The following TMEM74 variants were observed in gnomAD, a reference collection of about 807,000 sequenced individuals.
TMEM74 encodes the protein transmembrane protein 74.
TMEM74 carries 13 observed loss-of-function variants against 18.1 expected under a neutral mutation model. That is an observed-to-expected ratio of 0.72 (90% CI 0.47 to 1.14). TMEM74 has a LOEUF of 1.14. Among genes scored for constraint, TMEM74 ranks in the 50% most tolerant of loss-of-function variants. The probability of loss-of-function intolerance (pLI) is 0.00; values close to 1 mark genes in which losing one functional copy is unlikely to be tolerated. For missense variants in TMEM74, 372 were observed against 375.9 expected, an observed-to-expected ratio of 0.99 and a Z score of 0.09; for synonymous variants, 159 against 146.6, an observed-to-expected ratio of 1.08 and a Z score of -0.61.
intron 1 of TMEM74, among the ~76,000 whole-genome samples, chr8:108,658,352 C>T (rs1244011174): frequency 6.6e-6 from 1 of 151,820 alleles, no homozygotes; most frequent in African/African-American, 2.4e-5. Flanking sequence ...GATTTTTGGC[C>T]TTATTATATT....
chr8:108,612,228 AT>A (rs1812341175), intron 2 of TMEM74, among the ~76,000 whole-genome samples: 2 of 152,194 alleles, frequency 1.3e-5, no homozygotes, highest in Admixed American at 1.3e-4. Context: ...CATTATTTCT[AT>A]GTTAAAAAAA....
chr8:108,683,685 C>G (rs1339822538), intron 1 of TMEM74, among the ~76,000 whole-genome samples: 2 of 151,962 alleles, frequency 1.3e-5, no homozygotes, highest in Non-Finnish European at 2.9e-5. Flanking sequence ...ATAAATTAGT[C>G]TATCCATCAT....
chr8:108,784,062 T>TGG lies in TMEM74; in HGVS notation c.*117_*118dup. On this transcript the variant is annotated 3_prime_UTR_variant, in exon 2 of 2. Transcript: ENST00000297459. ...GAGAACAAAAACACTTACTGGCTGT[T>TGG]GGTTTGTGAAATAAACTTTTCTTGC... is the stretch of plus-strand genomic sequence containing the variant. 2 of 855,412 alleles carry TGG rather than the reference T, an allele frequency of 2.3e-6. No individual in the cohort carries two copies. The highest frequency in any genetic ancestry group is 3.6e-6 in the Non-Finnish European group (2 of 563,194). The allele number at this position is 855,412 out of a possible 1,614,324, so 53.0% of individuals were successfully genotyped here.
At chr8:108,668,710 T>C (rs914169659) in intron 1 of TMEM74, among the ~76,000 whole-genome samples, 1 of 152,200 alleles carries the variant, frequency 6.6e-6, no homozygotes, top group African/African-American at 2.4e-5. Flanking sequence ...GTTTTTGTTA[T>C]GTTAACAGCA....
intron 2 of TMEM74, among the ~76,000 whole-genome samples, chr8:108,627,354 A>G (rs888238928): frequency 1.6e-4 from 24 of 152,140 alleles, no homozygotes; most frequent in Admixed American, 1.3e-3. Context: ...ATAGTATGAC[A>G]TAGAAACATG....
intron 2 of TMEM74, among the ~76,000 whole-genome samples, chr8:108,640,173 C>T (rs1290417704): frequency 6.9e-6 from 1 of 143,928 alleles, no homozygotes; most frequent in Non-Finnish European, 1.5e-5. Context: ...TGCTCTATCG[C>T]CCAGGCTGGA....
chr8:108,647,137 T>C (rs1812727948), intron 2 of TMEM74, among the ~76,000 whole-genome samples: 1 of 152,140 alleles, frequency 6.6e-6, no homozygotes, highest in Non-Finnish European at 1.5e-5. Flanking sequence ...TTGAGTCATG[T>C]AATTTTGGAA....
intron 1 of TMEM74, among the ~76,000 whole-genome samples, chr8:108,688,418 A>G (rs1188868775): frequency 1.3e-5 from 2 of 152,190 alleles, no homozygotes; most frequent in African/African-American, 4.8e-5. Context: ...TGTTCAGCTA[A>G]AGTTTCCCAA....
chr8:108,713,869 G>T (rs1433198706), intron 1 of TMEM74, among the ~76,000 whole-genome samples: 1 of 152,150 alleles, frequency 6.6e-6, no homozygotes, highest in African/African-American at 2.4e-5. Flanking sequence ...AAGCTGATGG[G>T]GTAACAGTCC....
chr8:108,690,381 T>G lies in TMEM74; in HGVS notation n.120-34944A>C, dbSNP rs189578695. ...CAATCTAAATTACAATACTGTTTTT[T>G]TTTGTTTGTTTTTTTTTAGTCCCCC... On this transcript the variant is annotated intron_variant and non_coding_transcript_variant, in intron 1 of 3. Coordinates refer to the TMEM74 transcript ENST00000518838. 2.3e-4 allele frequency among the ~76,000 whole-genome samples: 33 copies of G among 142,994 alleles called. No individual in the cohort carries two copies. In the East Asian group the frequency reaches 6.2e-3, roughly 27 times the overall value. The allele number at this position is 142,994 out of a possible 152,430, so 93.8% of individuals were successfully genotyped here.
intron 2 of TMEM74, among the ~76,000 whole-genome samples, chr8:108,617,605 G>A (rs1812398034): frequency 6.6e-6 from 1 of 152,008 alleles, no homozygotes; most frequent in Non-Finnish European, 1.5e-5. Context: ...AGATATAGCT[G>A]AGGGGTATTA....
Position 108,718,045 on chromosome 8 carries a change from G to A in TMEM74, n.120-62608C>T, listed in dbSNP as rs991781764. 2.4e-4 allele frequency among the ~76,000 whole-genome samples: 22 copies of A among 90,122 alleles called. 1 individual carries two copies. Among genetic ancestry groups the A allele is most frequent in the Non-Finnish European group, 3.2e-4 (18 of 55,506 alleles). The allele number at this position is 90,122 out of a possible 152,430, so 59.1% of individuals were successfully genotyped here. On this transcript the variant is annotated intron_variant and non_coding_transcript_variant, in intron 1 of 3. Coordinates refer to the TMEM74 transcript ENST00000518838. ...GGGATCTCGGCTCACTGCAAGCTCC[G>A]CCTCCCGGGTTCACGCCATTCTCCC...
intron 1 of TMEM74, among the ~76,000 whole-genome samples, chr8:108,700,385 C>T (rs570472339): frequency 6.6e-6 from 1 of 152,222 alleles, no homozygotes; most frequent in South Asian, 2.1e-4. Flanking sequence ...TTTTCTTTCT[C>T]TGGGCTGCTC....
intron 1 of TMEM74, among the ~76,000 whole-genome samples, chr8:108,691,077 GA>G (rs1218449181): frequency 6.6e-6 from 1 of 152,186 alleles, no homozygotes; most frequent in African/African-American, 2.4e-5. Flanking sequence ...AAAGGACATG[GA>G]GGCTGCTTCT....
chr8:108,769,517 A>G (rs1029271046), intron 1 of TMEM74, among the ~76,000 whole-genome samples: 7 of 151,860 alleles, frequency 4.6e-5, no homozygotes, highest in African/African-American at 1.7e-4. Flanking sequence ...CCGACCCTCA[A>G]ATTCTTCATT....
chr8:108,718,060 G>T (rs947732616), intron 1 of TMEM74, among the ~76,000 whole-genome samples: 2 of 78,396 alleles, frequency 2.6e-5, no homozygotes, highest in Non-Finnish European at 4.1e-5. Flanking sequence ...CCGGGTTCAC[G>T]CCATTCTCCC....
At chr8:108,713,151 C>T (rs973441602) in intron 1 of TMEM74, among the ~76,000 whole-genome samples, 6 of 152,020 alleles carry the variant, frequency 3.9e-5, no homozygotes, top group Admixed American at 3.9e-4. Flanking sequence ...ATTTGGGAAC[C>T]ACTGTCTTTT....
intron 1 of TMEM74, among the ~76,000 whole-genome samples, chr8:108,745,644 AT>A (rs1586281928): frequency 6.6e-6 from 1 of 152,110 alleles, no homozygotes; most frequent in African/African-American, 2.4e-5. Context: ...TCTAAGGTCC[AT>A]TTTAATTCCA....
intron 2 of TMEM74, among the ~76,000 whole-genome samples, chr8:108,629,098 T>C (rs1022077189): frequency 6.6e-6 from 1 of 151,956 alleles, no homozygotes; most frequent in Non-Finnish European, 1.5e-5. Flanking sequence ...CTGTCCATTC[T>C]GATGTGCTAA....
Sources: allele counts gnomAD v4.1 joint callset (sites outside exome capture counted in the v4.1 genomes callset), GRCh38; gene constraint gnomAD v4.1.1; transcripts MANE v1.5; gene names NCBI Gene and HGNC (gene_info 2026-07-23, HGNC 2026-07-21).